The following MTA3 variants were observed in gnomAD, a reference collection of about 807,000 sequenced individuals.
MTA3 encodes the protein metastasis associated 1 family member 3.
MTA3 carries 34 observed loss-of-function variants against 83.5 expected under a neutral mutation model. The observed-to-expected ratio is 0.41, with a 90% CI of 0.31 to 0.54. The LOEUF (loss-of-function observed/expected upper bound fraction) is 0.54. Among genes scored for constraint, MTA3 ranks in the 20% least tolerant of loss-of-function variants. The probability of loss-of-function intolerance (pLI) is 0.33; values close to 1 mark genes in which losing one functional copy is unlikely to be tolerated. For synonymous variants in MTA3, 303 were observed against 252.7 expected (o/e 1.20, Z -1.89); for missense variants, 761 against 726.4 (o/e 1.05, Z -0.55).
chr2:42,524,310 T>TA (rs1675568370), intron 2 of MTA3, among the ~76,000 whole-genome samples: 1 of 151,680 alleles, frequency 6.6e-6, no homozygotes, highest in African/African-American at 2.4e-5. Flanking sequence ...TATTATTTTT[T>TA]TTTTTTTTTA....
chr2:42,556,227 C>T (rs965942221), intron 2 of MTA3, among the ~76,000 whole-genome samples: 1 of 152,120 alleles, frequency 6.6e-6, no homozygotes, highest in East Asian at 1.9e-4. Context: ...TCTATCTCCC[C>T]TCCTGTACTC....
intron 16 of MTA3, among the ~76,000 whole-genome samples, chr2:42,738,793 C>G (rs1026755914): frequency 4.6e-5 from 7 of 152,158 alleles, no homozygotes; most frequent in Non-Finnish European, 8.8e-5. Flanking sequence ...TCTGAACTGG[C>G]CCCCCAGGGC....
chr2:42,755,197 G>A lies in MTA3; in HGVS notation c.*1798G>A, dbSNP rs1670158789. ...CAGGAAAGCTGTCTGTCTGTACCCT[G>A]CTCTGGATTTATTGTCGTACTTGGA... On this transcript the variant is annotated 3_prime_UTR_variant, in exon 17 of 17. Transcript: ENST00000405094. 1.4e-5 allele frequency: 14 copies of A among 985,510 alleles called. No individual in the cohort carries two copies. The highest frequency in any genetic ancestry group is 1.7e-5 in the Non-Finnish European group (14 of 829,974). The allele number at this position is 985,510 out of a possible 1,614,324, so 61.0% of individuals were successfully genotyped here.
chr2:42,623,393 C>T (rs564142416), intron 4 of MTA3, among the ~76,000 whole-genome samples: 1 of 152,166 alleles, frequency 6.6e-6, no homozygotes, highest in Non-Finnish European at 1.5e-5. Flanking sequence ...GTCCAGCCTT[C>T]CCCTCCTGGA....
chr2:42,735,710 A>T (rs1399833479), intron 16 of MTA3, among the ~76,000 whole-genome samples: 1 of 152,140 alleles, frequency 6.6e-6, no homozygotes, highest in African/African-American at 2.4e-5. Flanking sequence ...CTTCAAGCTG[A>T]CTAATTCTTT....
rs534897670 is a variant in MTA3, at chr2:42,755,004, C to G, written c.*1605C>G. 3.0e-6 allele frequency: 3 copies of G among 985,622 alleles called. No homozygotes were observed. Among genetic ancestry groups the G allele is most frequent in the Non-Finnish European group, 3.6e-6 (3 of 830,166 alleles). 61.1% of individuals were successfully genotyped at this position (985,622 alleles called of 1,614,324 possible). ...ACCCACTCTTGGAGCTGTGCTGGGT[C>G]TTGGCTTGGGGCGCTGAGGGTGGGG... is the stretch of plus-strand genomic sequence containing the variant. On this transcript the variant is annotated 3_prime_UTR_variant, in exon 17 of 17. Coordinates refer to ENST00000405094, the MANE Select transcript of MTA3 (RefSeq NM_001330442.2).
At chr2:42,662,189 C>T (rs1285953670) in intron 8 of MTA3, among the ~76,000 whole-genome samples, 1 of 152,034 alleles carries the variant, frequency 6.6e-6, no homozygotes, top group African/African-American at 2.4e-5. Flanking sequence ...TTTATGTATT[C>T]TGTTACCAGG....
chr2:42,589,621 C>T (rs908111198), intron 3 of MTA3, among the ~76,000 whole-genome samples: 2 of 152,130 alleles, frequency 1.3e-5, no homozygotes, highest in South Asian at 2.1e-4. Flanking sequence ...GGTGCCATCT[C>T]GGCTTACTGC....
At position 42,753,361 on chromosome 2, in the gene MTA3, T is replaced by A. The variant is rs1670025031; in HGVS notation, c.1760-13T>A. On this transcript the variant is annotated splice_polypyrimidine_tract_variant and intron_variant, in intron 16 of 16. Transcript: ENST00000405094. Reference sequence around the variant, plus strand: ...ACTTGTTTAACCTTCACACTGTTACTTCCCTTTTCTAGAACTCACGTGCTG... The same window carrying A: ...ACTTGTTTAACCTTCACACTGTTACATCCCTTTTCTAGAACTCACGTGCTG... 3 of 1,550,566 alleles carry A rather than the reference T, an allele frequency of 1.9e-6. No individual in the cohort carries two copies. The highest frequency in any genetic ancestry group is 2.4e-5 in the East Asian group (1 of 40,924).
At chr2:42,531,027 G>A (rs1182359210) in intron 2 of MTA3, among the ~76,000 whole-genome samples, 1 of 152,048 alleles carries the variant, frequency 6.6e-6, no homozygotes, top group African/African-American at 2.4e-5. Flanking sequence ...ATGGCGTCTC[G>A]CCATGTTGGC....
At chr2:42,571,904 G>A (rs965530303) in intron 2 of MTA3, among the ~76,000 whole-genome samples, 4 of 150,682 alleles carry the variant, frequency 2.7e-5, no homozygotes, top group Non-Finnish European at 4.4e-5. Flanking sequence ...CCAAGATCAC[G>A]CCATTGCACT....
chr2:42,694,542 C>T (rs1187103841), intron 9 of MTA3, among the ~76,000 whole-genome samples: 2 of 152,182 alleles, frequency 1.3e-5, no homozygotes, highest in Non-Finnish European at 2.9e-5. Context: ...TGTCACAGGG[C>T]AGCACTAAGT....
chr2:42,606,813 T>G (rs1298111081), intron 3 of MTA3, among the ~76,000 whole-genome samples: 2 of 149,992 alleles, frequency 1.3e-5, no homozygotes, highest in Non-Finnish European at 3.0e-5. Context: ...TGAACGAGAC[T>G]CCGTCTGCAA....
intron 16 of MTA3, among the ~76,000 whole-genome samples, chr2:42,737,319 T>G (rs1668684398): frequency 6.6e-6 from 1 of 152,182 alleles, no homozygotes; most frequent in South Asian, 2.1e-4. Flanking sequence ...TGGGATGAGC[T>G]ATTCCCCTCT....
intron 2 of MTA3, among the ~76,000 whole-genome samples, chr2:42,513,251 T>C (rs931873249): frequency 9.2e-5 from 14 of 152,204 alleles, no homozygotes; most frequent in African/African-American, 3.4e-4. Context: ...CAAAACCTAT[T>C]GTGGTTGGAG....
intron 16 of MTA3, among the ~76,000 whole-genome samples, chr2:42,746,137 A>G (rs1558639317): frequency 6.6e-6 from 1 of 152,052 alleles, no homozygotes; most frequent in Non-Finnish European, 1.5e-5. Context: ...ATCTCTGTTA[A>G]TACTCCTTGT....
intron 3 of MTA3, among the ~76,000 whole-genome samples, chr2:42,583,290 C>T (rs1055596631): frequency 6.6e-6 from 1 of 152,140 alleles, no homozygotes; most frequent in Non-Finnish European, 1.5e-5. Flanking sequence ...TCAAAGGCAA[C>T]TATATATCCG....
At chr2:42,747,190 G>A (rs1329817804) in intron 16 of MTA3, among the ~76,000 whole-genome samples, 1 of 152,046 alleles carries the variant, frequency 6.6e-6, no homozygotes, top group Non-Finnish European at 1.5e-5. Context: ...AGTAGAGACG[G>A]GGTCTCGCCA....
At chr2:42,676,091 C>G (rs759719343) in intron 8 of MTA3, among the ~76,000 whole-genome samples, 8 of 152,206 alleles carry the variant, frequency 5.3e-5, no homozygotes, top group Non-Finnish European at 1.2e-4. Flanking sequence ...GGTTTCATAT[C>G]TCCTGGTGAA....
Sources: gnomAD v4.1 joint callset for allele counts (sites outside exome capture counted in the v4.1 genomes callset) on GRCh38, gnomAD v4.1.1 for gene constraint, MANE v1.5 for transcripts, NCBI Gene and HGNC (gene_info 2026-07-23, HGNC 2026-07-21) for gene names.